SUSD4: variants seen among roughly 807,000 people sequenced by gnomAD.
The protein encoded by SUSD4 is sushi domain-containing protein 4.
In SUSD4, 41 loss-of-function variants were observed where a neutral mutation model predicts 50.5. The ratio of observed to expected loss-of-function variants is 0.81; its 90% confidence interval spans 0.63 to 1.05. The LOEUF is 1.05. SUSD4 is among the 50% of genes least tolerant of loss of function. The probability of loss-of-function intolerance (pLI) is 0.00; values close to 1 mark genes in which losing one functional copy is unlikely to be tolerated. For synonymous variants in SUSD4, 257 were observed against 257.3 expected, an observed-to-expected ratio of 1.00 and a Z score of 0.01; for missense variants, 580 against 634.7, an observed-to-expected ratio of 0.91 and a Z score of 0.93.
chr1:223,321,512 C>A (rs1332082632), intron 2 of SUSD4, among the ~76,000 whole-genome samples: 1 of 152,230 alleles, frequency 6.6e-6, no homozygotes, highest in East Asian at 1.9e-4. Context: ...TCACCCAGTG[C>A]CCTTCATCTC....
intron 2 of SUSD4, among the ~76,000 whole-genome samples, chr1:223,362,560 G>A (rs1164532841): frequency 6.6e-6 from 1 of 152,128 alleles, no homozygotes; most frequent in Non-Finnish European, 1.5e-5. Flanking sequence ...ATATGTTATA[G>A]ATTAGCCGCC....
chr1:223,228,144 T>C (rs1438297651), intron 6 of SUSD4, among the ~76,000 whole-genome samples: 1 of 152,100 alleles, frequency 6.6e-6, no homozygotes, highest in African/African-American at 2.4e-5. Flanking sequence ...GGATATGCTG[T>C]GGGGTTGGGT....
At chr1:223,326,699 T>C (rs1209338363) in intron 2 of SUSD4, among the ~76,000 whole-genome samples, 1 of 152,084 alleles carries the variant, frequency 6.6e-6, no homozygotes, top group East Asian at 1.9e-4. Flanking sequence ...AATGAATAGA[T>C]ATTTCTCAAA....
chr1:223,315,718 T>C, intron 2 of SUSD4, among the ~76,000 whole-genome samples: 1 of 152,062 alleles, frequency 6.6e-6, no homozygotes, highest in Non-Finnish European at 1.5e-5. Context: ...GTAAAATTCA[T>C]CTGAAAAAAA....
intron 2 of SUSD4, among the ~76,000 whole-genome samples, chr1:223,331,472 C>G (rs766211744): frequency 1.3e-5 from 2 of 152,168 alleles, no homozygotes; most frequent in Non-Finnish European, 2.9e-5. Context: ...AACCTGTGTC[C>G]CCCTGTGGTT....
rs149710544 is a variant in SUSD4 at position 223,292,539 on chromosome 1, G to A, written c.261C>T (p.Asp87=). The A allele has an allele frequency of 1.7e-5, 28 of 1,614,070 alleles. No homozygotes were observed. In the Admixed American group the frequency reaches 1.8e-4, roughly 11 times the overall value. ...EGSVARFHCQ[D]GFKLKGATKR... is the part of the protein sequence containing the mutation. ...TTGTAGCGCCCTTCAGCTTGAATCC[G>A]TCTTGGCAGTGAAATCGGGCTACAG... The change falls in exon 3 of 9, where the codon GAC becomes GAT. Residue 87 remains aspartate (D), a synonymous_variant. Transcript: ENST00000366878.
chr1:223,232,595 A>T (rs1659968447), intron 5 of SUSD4, among the ~76,000 whole-genome samples: 2 of 152,208 alleles, frequency 1.3e-5, no homozygotes, highest in Admixed American at 1.3e-4. Flanking sequence ...TTTTTTTCTC[A>T]CTGGGCCTGA....
intron 2 of SUSD4, among the ~76,000 whole-genome samples, chr1:223,297,892 AGATGGATGGACAGGTG>A (rs1038940405): frequency 5.2e-4 from 79 of 151,880 alleles, no homozygotes; most frequent in Middle Eastern, 3.4e-3. Context: ...ATGGATGGAT[AGATGGATGGACAGGTG>A]GATGGATGGA....
chr1:223,364,712 C>T (rs1669222563), upstream of SUSD4, among the ~76,000 whole-genome samples: 1 of 151,596 alleles, frequency 6.6e-6, no homozygotes, highest in Admixed American at 6.6e-5. This position sits in a 1 kb window ranked among gnomAD's most constrained non-coding sequence, Gnocchi z 4.5. Context: ...CTAGAACTAC[C>T]GCCGCGGCGG....
chr1:223,309,131 G>T (rs1458421469), intron 2 of SUSD4, among the ~76,000 whole-genome samples: 1 of 152,030 alleles, frequency 6.6e-6, no homozygotes, highest in Non-Finnish European at 1.5e-5. Context: ...GTAAGACATA[G>T]AACAAAAACA....
intron 3 of SUSD4, among the ~76,000 whole-genome samples, chr1:223,279,962 C>T (rs1467025768): frequency 2.0e-5 from 3 of 152,078 alleles, no homozygotes; most frequent in East Asian, 1.9e-4. Flanking sequence ...ATTTTCAACC[C>T]GGAATTTCAT....
intron 7 of SUSD4, among the ~76,000 whole-genome samples, chr1:223,224,795 AC>A (rs1659388888): frequency 6.9e-6 from 1 of 144,102 alleles, no homozygotes; most frequent in Non-Finnish European, 1.5e-5. Flanking sequence ...TGACCCCCAT[AC>A]TCTGCTCCTG....
At chr1:223,228,101 G>A (rs560319384) in intron 6 of SUSD4, among the ~76,000 whole-genome samples, 3 of 152,298 alleles carry the variant, frequency 2.0e-5, no homozygotes, top group African/African-American at 4.8e-5. Context: ...AGGGGTGGGG[G>A]AGTGGGAAGC....
chr1:223,222,692 A>G (rs1659207926), intron 8 of SUSD4, among the ~76,000 whole-genome samples: 1 of 152,172 alleles, frequency 6.6e-6, no homozygotes, highest in South Asian at 2.1e-4. Context: ...AATCTGACAC[A>G]TTTTCCTTAT....
intron 5 of SUSD4, among the ~76,000 whole-genome samples, chr1:223,237,773 C>G (rs1258657850): frequency 6.6e-6 from 1 of 151,914 alleles, no homozygotes; most frequent in African/African-American, 2.4e-5. Flanking sequence ...ATTTTTGCAT[C>G]TATGTTCATG....
chr1:223,327,949 G>T (rs1666969286), intron 2 of SUSD4, among the ~76,000 whole-genome samples: 1 of 152,116 alleles, frequency 6.6e-6, no homozygotes, highest in East Asian at 1.9e-4. Flanking sequence ...CTGATCCCCA[G>T]GAAAGAGTAC....
intron 2 of SUSD4, among the ~76,000 whole-genome samples, chr1:223,356,048 T>C (rs73124222): frequency 0.018 from 2,750 of 152,340 alleles, 81 homozygotes; most frequent in African/African-American, 0.061. Flanking sequence ...TTCCAAATAA[T>C]GTCAAGAATT....
intron 2 of SUSD4, among the ~76,000 whole-genome samples, chr1:223,299,082 C>G (rs1665020981): frequency 6.6e-6 from 1 of 152,196 alleles, no homozygotes; most frequent in Non-Finnish European, 1.5e-5. Flanking sequence ...TTTTCTAGGG[C>G]CTGCCAGAGC....
At chr1:223,326,111 G>A (rs906939835) in intron 2 of SUSD4, among the ~76,000 whole-genome samples, 1 of 152,080 alleles carries the variant, frequency 6.6e-6, no homozygotes, top group Non-Finnish European at 1.5e-5. Flanking sequence ...TACTACAAGG[G>A]TGTAGTTACC....
Sources: gnomAD v4.1 joint callset for allele counts (sites outside exome capture counted in the v4.1 genomes callset) on GRCh38, gnomAD v4.1.1 for gene constraint, Gnocchi (gnomAD v3.1) non-coding constraint, MANE v1.5 for transcripts, NCBI Gene and HGNC (gene_info 2026-07-23, HGNC 2026-07-21) for gene names.